The following CCDC102B variants were observed in gnomAD, a reference collection of about 807,000 sequenced individuals.
CCDC102B encodes the protein coiled-coil domain containing 102B.
A neutral mutation model predicts 57.4 loss-of-function variants in CCDC102B; 75 were observed. The ratio of observed to expected loss-of-function variants is 1.31; its 90% CI spans 1.08 to 1.58. The LOEUF (loss-of-function observed/expected upper bound fraction) is 1.58, where lower values mean the gene tolerates loss of function less well. CCDC102B is among the 40% of genes most tolerant of loss of function. The pLI, the probability that CCDC102B is intolerant of heterozygous loss-of-function variation, is 0.00. For synonymous variants in CCDC102B, 206 were observed against 201.9 expected (o/e 1.02, Z -0.17); for missense variants, 636 against 582.6 (o/e 1.09, Z -0.94).
At chr18:68,957,303 G>A (rs1203243132) in intron 6 of CCDC102B, among the ~76,000 whole-genome samples, 2 of 151,914 alleles carry the variant, frequency 1.3e-5, no homozygotes, top group Non-Finnish European at 2.9e-5. Flanking sequence ...GCAATTGATA[G>A]GGGGTTTAGT....
At chr18:68,993,510 T>G (rs968286193) in intron 6 of CCDC102B, 1 of 152,238 alleles carries the variant, frequency 6.6e-6, no homozygotes, top group African/African-American at 2.4e-5. Flanking sequence ...TCTGTGTATA[T>G]TTTTGGTCTT....
intron 6 of CCDC102B, among the ~76,000 whole-genome samples, chr18:68,981,264 G>C (rs1188175795): frequency 6.6e-6 from 1 of 151,954 alleles, no homozygotes; most frequent in African/African-American, 2.4e-5. Context: ...AGAGGAAAGA[G>C]AGAAGAAGAG....
At chr18:68,875,046 T>C (rs754910817) in intron 5 of CCDC102B, 19 of 221,482 alleles carry the variant, frequency 8.6e-5, no homozygotes, top group Non-Finnish European at 1.6e-4. Flanking sequence ...AGTCTTACTG[T>C]GCATAAATAT....
At chr18:68,883,851 C>T (rs560538592) in intron 5 of CCDC102B, among the ~76,000 whole-genome samples, 1 of 152,196 alleles carries the variant, frequency 6.6e-6, no homozygotes, top group South Asian at 2.1e-4. Flanking sequence ...TACTTAAGTC[C>T]CTTGGTTAAT....
At chr18:68,767,346 A>T (rs897541835) in intron 2 of CCDC102B, among the ~76,000 whole-genome samples, 3 of 152,230 alleles carry the variant, frequency 2.0e-5, no homozygotes, top group African/African-American at 4.8e-5. Flanking sequence ...TTTAAGAGGA[A>T]AACACCAGAG....
Position 68,798,111 on chromosome 18 carries a change from A to G in CCDC102B, c.-86A>G, listed in dbSNP as rs2035697590. On this transcript the variant is annotated 5_prime_UTR_variant, in exon 1 of 8. An upstream start codon of the reference 5' UTR is lost. Coordinates refer to ENST00000360242, the MANE Select transcript of CCDC102B (RefSeq NM_024781.3). Reference sequence around the variant, plus strand: ...CCAGAACTGTACGGATGAGAAAAGGATGCAGGAAATTCTGTTGTTTACACA... The same window carrying G: ...CCAGAACTGTACGGATGAGAAAAGGGTGCAGGAAATTCTGTTGTTTACACA... 1 of 152,168 alleles carries G rather than the reference A, an allele frequency of 6.6e-6. No homozygotes were observed. 9.4% of individuals were successfully genotyped at this position (152,168 alleles called of 1,614,324 possible).
chr18:69,019,430 T>A (rs576118406), intron 7 of CCDC102B, among the ~76,000 whole-genome samples: 2 of 152,174 alleles, frequency 1.3e-5, no homozygotes, highest in African/African-American at 4.8e-5. Context: ...ATCTTTTTGG[T>A]TAAATTTATT....
At chr18:68,807,023 T>C (rs548738893) in intron 1 of CCDC102B, among the ~76,000 whole-genome samples, 6 of 152,266 alleles carry the variant, frequency 3.9e-5, no homozygotes, top group African/African-American at 1.4e-4. Flanking sequence ...ATTTCAGGCA[T>C]TGTATTTATC....
intron 2 of CCDC102B, among the ~76,000 whole-genome samples, chr18:68,774,316 T>C (rs1393449076): frequency 6.6e-6 from 1 of 151,456 alleles, no homozygotes; most frequent in African/African-American, 2.4e-5. Flanking sequence ...ATAATAATTA[T>C]ATATGTATTT....
chr18:69,056,296 T>C (rs762824328), downstream of CCDC102B, among the ~76,000 whole-genome samples: 13 of 152,084 alleles, frequency 8.5e-5, no homozygotes, highest in Non-Finnish European at 1.6e-4. Context: ...AGGTGTATCT[T>C]GGTGTGCAAC....
chr18:68,988,129 G>C (rs749228000), intron 6 of CCDC102B, among the ~76,000 whole-genome samples: 5 of 151,922 alleles, frequency 3.3e-5, no homozygotes, highest in Non-Finnish European at 7.4e-5. Context: ...CAAGAGCAAA[G>C]ATAGGGAATC....
chr18:68,914,605 G>T (rs2040997371), intron 6 of CCDC102B, among the ~76,000 whole-genome samples: 1 of 152,228 alleles, frequency 6.6e-6, no homozygotes, highest in Middle Eastern at 3.4e-3. Context: ...AGGTGCCCTT[G>T]ACCATCTTCA....
chr18:69,017,273 G>A (rs557902002), intron 7 of CCDC102B, among the ~76,000 whole-genome samples: 1 of 151,968 alleles, frequency 6.6e-6, no homozygotes, highest in African/African-American at 2.4e-5. Flanking sequence ...TTGCCACCAT[G>A]CCTGGCTATT....
At chr18:68,825,837 A>G (rs1356355952) in intron 1 of CCDC102B, among the ~76,000 whole-genome samples, 2 of 152,196 alleles carry the variant, frequency 1.3e-5, no homozygotes, top group African/African-American at 2.4e-5. Context: ...GCAGAATCCA[A>G]GTATTTTGTA....
chr18:68,877,987 C>A (rs541970245), intron 5 of CCDC102B, among the ~76,000 whole-genome samples: 60 of 152,192 alleles, frequency 3.9e-4, no homozygotes, highest in African/African-American at 1.3e-3. Flanking sequence ...AAAAAGAGAG[C>A]CTTCTATTTT....
At chr18:68,783,805 T>C (rs556783163) in intron 2 of CCDC102B, among the ~76,000 whole-genome samples, 2 of 152,176 alleles carry the variant, frequency 1.3e-5, no homozygotes, top group South Asian at 2.1e-4. Flanking sequence ...GCAATACTTT[T>C]ATGTTATGGG....
At chr18:69,052,924 A>C (rs137979327) in intron 7 of CCDC102B, among the ~76,000 whole-genome samples, 2,121 of 152,050 alleles carry the variant, frequency 0.014, 48 homozygotes, top group African/African-American at 0.048. Flanking sequence ...TAATCTAGAG[A>C]TAATTTAAAA....
At chr18:69,050,636 A>G (rs573743699) in intron 7 of CCDC102B, among the ~76,000 whole-genome samples, 1 of 152,308 alleles carries the variant, frequency 6.6e-6, no homozygotes, top group African/African-American at 2.4e-5. Flanking sequence ...CATCTTCATT[A>G]CAAGACTATA....
chr18:68,937,868 T>C (rs747673293), intron 6 of CCDC102B, among the ~76,000 whole-genome samples: 1 of 152,088 alleles, frequency 6.6e-6, no homozygotes, highest in Non-Finnish European at 1.5e-5. Context: ...TTTGGTTTTC[T>C]GTTCTTGTGA....
Sources: gnomAD v4.1 joint callset for allele counts (sites outside exome capture counted in the v4.1 genomes callset) on GRCh38, gnomAD v4.1.1 for gene constraint, MANE v1.5 for transcripts, NCBI Gene and HGNC (gene_info 2026-07-23, HGNC 2026-07-21) for gene names.